The following THADA variants were observed in gnomAD, a reference collection of about 807,000 sequenced individuals.
THADA encodes the protein THADA armadillo repeat containing, also known as tRNA (32-2'-O)-methyltransferase regulator THADA.
THADA carries 213 observed loss-of-function variants against 219.8 expected under a neutral mutation model. The observed-to-expected ratio is 0.97, with a 90% confidence interval of 0.87 to 1.09. The LOEUF (loss-of-function observed/expected upper bound fraction) is 1.09, where lower values mean the gene tolerates loss of function less well. THADA is among the 50% of genes least tolerant of loss of function. THADA has a pLI of 0.00. For missense variants in THADA, 2,956 were observed against 2,311.3 expected, an observed-to-expected ratio of 1.28 and a Z score of -5.72; for synonymous variants, 1,018 against 828.9, an observed-to-expected ratio of 1.23 and a Z score of -3.92.
At chr2:43,271,212 C>T (rs1183344452) in intron 36 of THADA, among the ~76,000 whole-genome samples, 7 of 152,202 alleles carry the variant, frequency 4.6e-5, no homozygotes, top group South Asian at 2.1e-4. Flanking sequence ...AAATTCCATC[C>T]TGCATGATCC....
At chr2:43,352,576 A>T (rs1209479773) in intron 29 of THADA, among the ~76,000 whole-genome samples, 3 of 152,016 alleles carry the variant, frequency 2.0e-5, no homozygotes, top group Admixed American at 6.6e-5. Context: ...ATAATAATAA[A>T]AAAATGCAGA....
chr2:43,234,867 T>C (rs978442046), intron 36 of THADA, among the ~76,000 whole-genome samples: 1 of 152,190 alleles, frequency 6.6e-6, no homozygotes, highest in Non-Finnish European at 1.5e-5. Flanking sequence ...GAGACTGGGT[T>C]TCACCATGTT....
At chr2:43,567,332 A>T (rs1698805379) in intron 14 of THADA, among the ~76,000 whole-genome samples, 1 of 152,172 alleles carries the variant, frequency 6.6e-6, no homozygotes, top group Admixed American at 6.5e-5. Context: ...CAGGATTCAC[A>T]TTAAAACACA....
intron 29 of THADA, among the ~76,000 whole-genome samples, chr2:43,385,101 A>G (rs1672480596): frequency 6.6e-6 from 1 of 152,164 alleles, no homozygotes; most frequent in Non-Finnish European, 1.5e-5. Context: ...ACATCTCACT[A>G]CTGCTCTCTA....
chr2:43,545,579 A>C (rs1695915776), intron 20 of THADA, among the ~76,000 whole-genome samples: 2 of 152,208 alleles, frequency 1.3e-5, no homozygotes, highest in Non-Finnish European at 2.9e-5. Flanking sequence ...CAGAGATTCA[A>C]GTTCTTCCTG....
chr2:43,570,265 T>G, intron 14 of THADA, 123 bp downstream of exon 14: 3 of 1,009,344 alleles, frequency 3.0e-6, no homozygotes, highest in Non-Finnish European at 4.2e-6. Context: ...AATACTCAGC[T>G]TGAAGGAAAA....
At chr2:43,413,663 C>G (rs1676583894) in intron 28 of THADA, among the ~76,000 whole-genome samples, 1 of 152,188 alleles carries the variant, frequency 6.6e-6, no homozygotes, top group Admixed American at 6.5e-5. Flanking sequence ...TATCATGGTT[C>G]AGAGTCAATC....
At chr2:43,473,251 GC>G (rs1685127937) in intron 26 of THADA, among the ~76,000 whole-genome samples, 1 of 151,996 alleles carries the variant, frequency 6.6e-6, no homozygotes. Flanking sequence ...TATTCTATAA[GC>G]TTTTCCTATT....
Position 43,241,197 on chromosome 2 carries a change from T to C in THADA, c.5297-8315A>G, listed in dbSNP as rs530006341. 2.6e-5 allele frequency among the ~76,000 whole-genome samples: 4 copies of C among 152,156 alleles called. No individual in the cohort carries two copies. In the East Asian group the frequency reaches 7.8e-4, roughly 30 times the overall value. On this transcript the variant is annotated intron_variant, in intron 36 of 37. Coordinates refer to ENST00000405975, the MANE Select transcript of THADA (RefSeq NM_022065.5). ...GCGACCTCCCAGGCTCAAGTGGTCC[T>C]CCCACCTCAGCCTCCCTGGTGGCTG... is the stretch of plus-strand genomic sequence containing the variant.
chr2:43,373,572 G>A (rs1331859709), intron 29 of THADA, among the ~76,000 whole-genome samples: 2 of 152,050 alleles, frequency 1.3e-5, no homozygotes, highest in African/African-American at 4.8e-5. Flanking sequence ...CACCTCCCGG[G>A]TTCAAGCGAT....
intron 4 of THADA, 26 bp from the exon 5 acceptor site, chr2:43,587,028 A>G: frequency 1.2e-6 from 2 of 1,600,494 alleles, no homozygotes; most frequent in Non-Finnish European, 1.7e-6. Flanking sequence ...AATATTAAAA[A>G]TCTGACAATC....
chr2:43,272,366 C>T (rs543452595), intron 36 of THADA, among the ~76,000 whole-genome samples: 5 of 152,092 alleles, frequency 3.3e-5, no homozygotes, highest in Non-Finnish European at 5.9e-5. Context: ...TGAATTGCAA[C>T]GAACAAAAAT....
chr2:43,401,117 T>C (rs559586348), intron 28 of THADA, among the ~76,000 whole-genome samples: 1 of 152,320 alleles, frequency 6.6e-6, no homozygotes, highest in African/African-American at 2.4e-5. Context: ...AGCTATGTTC[T>C]AGGCCTGAAT....
chr2:43,289,254 C>T (rs1030914888), intron 34 of THADA, among the ~76,000 whole-genome samples: 44 of 152,298 alleles, frequency 2.9e-4, no homozygotes, highest in African/African-American at 9.4e-4. Context: ...ATTTAAACTC[C>T]GTTCTTTCAC....
intron 7 of THADA, among the ~76,000 whole-genome samples, chr2:43,583,410 C>T (rs1194353811): frequency 6.6e-6 from 1 of 152,200 alleles, no homozygotes; most frequent in Non-Finnish European, 1.5e-5. Context: ...CCATAGCCTC[C>T]TAACTGGTCT....
At chr2:43,339,524 C>G (rs993541683) in intron 30 of THADA, among the ~76,000 whole-genome samples, 1 of 152,190 alleles carries the variant, frequency 6.6e-6, no homozygotes, top group Admixed American at 6.5e-5. Flanking sequence ...ATGTGATCCA[C>G]CCACCTTGGC....
At chr2:43,245,293 C>T (rs1368659871) in intron 36 of THADA, among the ~76,000 whole-genome samples, 1 of 150,876 alleles carries the variant, frequency 6.6e-6, no homozygotes, top group Non-Finnish European at 1.5e-5. Flanking sequence ...CTGCCTCAGC[C>T]TCCCTAGTAG....
intron 26 of THADA, among the ~76,000 whole-genome samples, chr2:43,470,678 TCTAA>T (rs1375794224): frequency 6.6e-6 from 1 of 152,148 alleles, no homozygotes; most frequent in South Asian, 2.1e-4. Flanking sequence ...AGAATAAGAC[TCTAA>T]CTTTTTCATA....
At chr2:43,401,453 T>A (rs572348401) in intron 28 of THADA, among the ~76,000 whole-genome samples, 1 of 152,282 alleles carries the variant, frequency 6.6e-6, no homozygotes, top group East Asian at 1.9e-4. Context: ...TAATTTTTTT[T>A]ATTTGTAGTA....
Sources: allele counts gnomAD v4.1 joint callset (sites outside exome capture counted in the v4.1 genomes callset), GRCh38; gene constraint gnomAD v4.1.1; transcripts MANE v1.5; gene names NCBI Gene and HGNC (gene_info 2026-07-23, HGNC 2026-07-21).